The following LIPC variants were observed in gnomAD, a reference collection of about 807,000 sequenced individuals.
LIPC encodes the protein lipase C, hepatic type, also known as hepatic triacylglycerol lipase.
In LIPC, 44 loss-of-function variants were observed where a neutral mutation model predicts 50.7. That is an observed-to-expected ratio of 0.87 (90% CI 0.68 to 1.11). The LOEUF is 1.11. Ranked by LOEUF, LIPC falls within the 50% of genes most tolerant of loss-of-function variation. The probability of loss-of-function intolerance (pLI) is 0.00; values close to 1 mark genes in which losing one functional copy is unlikely to be tolerated. For synonymous variants in LIPC, 271 were observed against 256.4 expected (o/e 1.06, Z -0.54); for missense variants, 697 against 648.2 (o/e 1.08, Z -0.82).
intron 1 of LIPC, among the ~76,000 whole-genome samples, chr15:58,487,224 C>T (rs1452681635): frequency 1.3e-5 from 2 of 152,172 alleles, no homozygotes; most frequent in African/African-American, 4.8e-5. Context: ...CCCAGCTGCG[C>T]CACTTCATAA....
intron 1 of LIPC, among the ~76,000 whole-genome samples, chr15:58,448,027 C>G (rs1893763545): frequency 6.6e-6 from 1 of 152,208 alleles, no homozygotes; most frequent in Non-Finnish European, 1.5e-5. Context: ...TTACTCCAAG[C>G]TGCCTCCCCT....
At chr15:58,511,508 G>T (rs1892329860) in intron 1 of LIPC, among the ~76,000 whole-genome samples, 1 of 152,212 alleles carries the variant, frequency 6.6e-6, no homozygotes, top group Admixed American at 6.5e-5. Context: ...CATCCCAAGG[G>T]TTAGGGCCCA....
At chr15:58,529,401 G>T (rs1412695698) in intron 1 of LIPC, among the ~76,000 whole-genome samples, 1 of 152,224 alleles carries the variant, frequency 6.6e-6, no homozygotes, top group East Asian at 1.9e-4. Context: ...GTCTGAGAAT[G>T]ACACCAGCAG....
chr15:58,540,062 T>C (rs1050940707), intron 2 of LIPC, among the ~76,000 whole-genome samples: 1 of 152,360 alleles, frequency 6.6e-6, no homozygotes, highest in African/African-American at 2.4e-5. Flanking sequence ...TGGGAAGGAT[T>C]CTGTCCTATT....
intron 1 of LIPC, among the ~76,000 whole-genome samples, chr15:58,488,897 C>T (rs1891470017): frequency 6.6e-6 from 1 of 152,136 alleles, no homozygotes; most frequent in Admixed American, 6.5e-5. Flanking sequence ...TTTGGGAGTT[C>T]TGGTTTAATC....
intron 1 of LIPC, among the ~76,000 whole-genome samples, chr15:58,491,152 G>A (rs747394728): frequency 6.6e-6 from 1 of 152,180 alleles, no homozygotes; most frequent in African/African-American, 2.4e-5. Context: ...CAGACATCCC[G>A]TGCACACACG....
At chr15:58,432,436 T>C in intron 1 of LIPC, 1 of 381,370 alleles carries the variant, frequency 2.6e-6, no homozygotes, top group Non-Finnish European at 4.9e-6. Flanking sequence ...GCGATTCAGA[T>C]CTTCCTGAGA....
intron 1 of LIPC, among the ~76,000 whole-genome samples, chr15:58,490,492 C>G (rs1424924436): frequency 6.6e-6 from 1 of 152,312 alleles, no homozygotes; most frequent in South Asian, 2.1e-4. Context: ...GAGCCGGCGC[C>G]GTTCGCGGGA....
At chr15:58,536,815 T>C (rs1893138995) in intron 1 of LIPC, among the ~76,000 whole-genome samples, 1 of 152,240 alleles carries the variant, frequency 6.6e-6, no homozygotes, top group Non-Finnish European at 1.5e-5. Flanking sequence ...TGAAAAATCA[T>C]TGCCCTTTGC....
intron 1 of LIPC, chr15:58,533,038 C>T: frequency 2.4e-6 from 1 of 422,026 alleles, no homozygotes; most frequent in Non-Finnish European, 3.2e-6. Context: ...AACCCCTTTT[C>T]CTGGATACAG....
intron 1 of LIPC, among the ~76,000 whole-genome samples, chr15:58,531,493 G>C (rs1160242831): frequency 6.6e-6 from 1 of 152,038 alleles, no homozygotes; most frequent in Non-Finnish European, 1.5e-5. Context: ...TAGAATTCAA[G>C]AGAATTTAAG....
At chr15:58,533,850 T>C (rs73412726) in intron 1 of LIPC, among the ~76,000 whole-genome samples, 7,715 of 152,252 alleles carry the variant, frequency 0.051, 610 homozygotes, top group African/African-American at 0.17. Flanking sequence ...CTGAAATATA[T>C]TTTCAGCATA....
intron 5 of LIPC, among the ~76,000 whole-genome samples, chr15:58,548,028 C>G (rs954335326): frequency 6.6e-6 from 1 of 152,112 alleles, no homozygotes; most frequent in East Asian, 1.9e-4. Context: ...TTGATCTTTC[C>G]TTAGTGACTT....
intron 1 of LIPC, among the ~76,000 whole-genome samples, chr15:58,478,056 C>T (rs1446775338): frequency 6.6e-6 from 1 of 152,126 alleles, no homozygotes; most frequent in African/African-American, 2.4e-5. Context: ...AAATGCCCAC[C>T]TCCCCCCATA....
In LIPC at chr15:58,568,886, T is replaced by TTCTAAATAAGGCA; in HGVS notation, c.*59_*60insTCTAAATAAGGCA. 2 of 1,016,478 alleles carry TTCTAAATAAGGCA rather than the reference T, an allele frequency of 2.0e-6. No individual in the cohort carries two copies. The highest frequency in any genetic ancestry group is 1.5e-5 in the South Asian group (1 of 64,636). 63.0% of individuals were successfully genotyped at this position (1,016,478 alleles called of 1,614,324 possible). On this transcript the variant is annotated 3_prime_UTR_variant, in exon 9 of 9. Transcript: ENST00000299022. ...AATCTTACTCCTTATCTGGAATGGC[T>TTCTAAATAAGGCA]GCCTTATTTAGAAGCCAAAATTACA...
chr15:58,476,356 A>G (rs1030394396), intron 1 of LIPC, among the ~76,000 whole-genome samples: 1 of 152,240 alleles, frequency 6.6e-6, no homozygotes, highest in African/African-American at 2.4e-5. Context: ...TGTCCCATTT[A>G]GTCTAATATC....
chr15:58,530,665 T>A (rs2140890560), intron 1 of LIPC, among the ~76,000 whole-genome samples: 1 of 152,352 alleles, frequency 6.6e-6, no homozygotes, highest in Non-Finnish European at 1.5e-5. Context: ...TGCTAGTTAA[T>A]CCCCACCCCA....
intron 1 of LIPC, among the ~76,000 whole-genome samples, chr15:58,532,317 C>T (rs1199390768): frequency 6.6e-6 from 1 of 152,178 alleles, no homozygotes; most frequent in African/African-American, 2.4e-5. Flanking sequence ...CTGAAGCCAA[C>T]ATTGCCCAGC....
At chr15:58,433,662 G>A (rs1294053157) in intron 1 of LIPC, among the ~76,000 whole-genome samples, 2 of 152,202 alleles carry the variant, frequency 1.3e-5, no homozygotes, top group African/African-American at 4.8e-5. Context: ...AGCTGTCAGT[G>A]CTGAGATAGA....
Sources: gnomAD v4.1 joint callset for allele counts (sites outside exome capture counted in the v4.1 genomes callset) on GRCh38, gnomAD v4.1.1 for gene constraint, MANE v1.5 for transcripts, NCBI Gene and HGNC (gene_info 2026-07-23, HGNC 2026-07-21) for gene names.